RAG2: variants seen among roughly 807,000 people sequenced by gnomAD.
The protein encoded by RAG2 is recombination activating 2.
A neutral mutation model predicts 31.8 loss-of-function variants in RAG2; 16 were observed. The observed-to-expected ratio is 0.50, with a 90% confidence interval of 0.34 to 0.76. The LOEUF is 0.76. Ranked by LOEUF, RAG2 falls within the 30% of genes least tolerant of loss-of-function variation. The pLI, the probability that RAG2 is intolerant of heterozygous loss-of-function variation, is 0.01. For synonymous variants in RAG2, 199 were observed against 215.9 expected (o/e 0.92, Z 0.68); for missense variants, 622 against 628.5 (o/e 0.99, Z 0.11).
At chr11:36,594,289 C>A in intron 1 of RAG2, 94 bp from the exon 2 acceptor site, 1 of 826,094 alleles carries the variant, frequency 1.2e-6, no homozygotes. Flanking sequence ...TTTTTAAGTC[C>A]TCCCACACGC....
chr11:36,591,316 T>G (rs751025640), downstream of RAG2, among the ~76,000 whole-genome samples: 5 of 152,178 alleles, frequency 3.3e-5, no homozygotes, highest in Non-Finnish European at 7.4e-5. Context: ...AATTTGTTAG[T>G]TGTACCTTAC....
At chr11:36,597,154 G>A (rs1851302447) in intron 1 of RAG2, among the ~76,000 whole-genome samples, 1 of 152,118 alleles carries the variant, frequency 6.6e-6, no homozygotes. Context: ...AGAATAAACA[G>A]GAACATTGAA....
chr11:36,596,442 TCAG>T (rs1451278081), intron 1 of RAG2, among the ~76,000 whole-genome samples: 3 of 152,178 alleles, frequency 2.0e-5, no homozygotes. Context: ...AGTTGTATAT[TCAG>T]CAAACTGCCC....
At chr11:36,596,288 T>C (rs1466067290) in intron 1 of RAG2, among the ~76,000 whole-genome samples, 1 of 150,440 alleles carries the variant, frequency 6.6e-6, no homozygotes, top group Non-Finnish European at 1.5e-5. Flanking sequence ...AAATAATCTC[T>C]TGTAGTTATT....
chr11:36,596,224 T>TG (rs1412024113), intron 1 of RAG2, among the ~76,000 whole-genome samples: 15 of 148,138 alleles, frequency 1.0e-4, no homozygotes, highest in Middle Eastern at 3.5e-3. Flanking sequence ...TTTTTTTTGT[T>TG]TTTTTTTTTT....
In RAG2 at chr11:36,593,755, A is replaced by G; in HGVS notation, c.414T>C (p.Tyr138=). The G allele has an allele frequency of 6.2e-7, 1 of 1,614,214 alleles. No homozygotes were observed. Among genetic ancestry groups the G allele is most frequent in the Non-Finnish European group, 8.5e-7 (1 of 1,180,034 alleles). The change falls in exon 2 of 2, where the codon TAT becomes TAC. Residue 138 remains tyrosine (Y), a synonymous_variant. Transcript: ENST00000311485. ...DLVGDVPEAR[Y]GHSINVVYSR... ...TGTACACCACATTAATGGAATGACC[A>G]TATCTGGCTTCAGGAACATCTCCTA...
chr11:36,597,241 T>C (rs899554245), intron 1 of RAG2, among the ~76,000 whole-genome samples: 5 of 152,198 alleles, frequency 3.3e-5, no homozygotes, highest in African/African-American at 1.2e-4. Context: ...TTCACTGGAG[T>C]AGACCATTGT....
intron 1 of RAG2, 49 bp from the exon 2 acceptor site, chr11:36,594,244 A>G: frequency 8.3e-7 from 1 of 1,201,496 alleles, no homozygotes; most frequent in South Asian, 1.2e-5. Context: ...TCATATAATC[A>G]TCGTATTTAG....
chr11:36,592,988 T>A lies in RAG2; in HGVS notation c.1181A>T (p.Asp394Val). 2 of 1,614,178 alleles carry A rather than the reference T, an allele frequency of 1.2e-6. No homozygotes were observed. Among genetic ancestry groups the A allele is most frequent in the Non-Finnish European group, 1.7e-6 (2 of 1,180,024 alleles). Residue 394 changes from aspartate (D) to valine (V), a missense_variant, in exon 2 of 2, where the codon GAT becomes GTT. Coordinates refer to ENST00000311485, the MANE Select transcript of RAG2 (RefSeq NM_000536.4). ...ATAGGTGTCAAATTCATCATCACCA[T>A]CAAAACTATTTGCTTCTGCACTGAA... ...FCFSAEANSF[D>V]GDDEFDTYNE...
At chr11:36,591,598 T>TACACACACAC (rs3084298), downstream of RAG2, among the ~76,000 whole-genome samples, 14 of 149,118 alleles carry the variant, frequency 9.4e-5, no homozygotes, top group African/African-American at 3.4e-4. Context: ...ACATGTTAAC[T>TACACACACAC]ACACACACAC....
chr11:36,597,358 T>C (rs1851311334), intron 1 of RAG2, among the ~76,000 whole-genome samples: 1 of 152,236 alleles, frequency 6.6e-6, no homozygotes, highest in African/African-American at 2.4e-5. Flanking sequence ...AGTCTTTTCC[T>C]TTTAATAGGC....
At position 36,592,744 on chromosome 11, in the gene RAG2, C is replaced by G; in HGVS notation, c.1425G>C (p.Lys475Asn). The G allele has an allele frequency of 6.2e-7, 1 of 1,614,080 alleles. No individual in the cohort carries two copies. Among genetic ancestry groups the G allele is most frequent in the African/African-American group, 1.3e-5 (1 of 74,994 alleles). The change falls in exon 2 of 2, where the codon AAG (lysine) becomes AAC (asparagine). Residue 475 changes from lysine to asparagine, a missense_variant. Lys to Asn is a moderately conservative substitution (Grantham distance 94). Transcript: ENST00000311485. ...TCTCCACATGCTCATTGCAGTAATA[C>G]TTGTTGCTTCCTGCTGACAGATGGA... ...TLIHLSAGSNKYYCNEHVEIA... is the reference protein window; with the variant it reads ...TLIHLSAGSNNYYCNEHVEIA...
At chr11:36,596,461 A>G (rs759562546) in intron 1 of RAG2, among the ~76,000 whole-genome samples, 1 of 152,200 alleles carries the variant, frequency 6.6e-6, no homozygotes, top group African/African-American at 2.4e-5. Flanking sequence ...TGCCCTGCTT[A>G]TAAAATAATC....
intron 1 of RAG2, among the ~76,000 whole-genome samples, chr11:36,597,333 A>C (rs867803): frequency 0.1 from 15,463 of 152,258 alleles, 1,001 homozygotes; most frequent in African/African-American, 0.17. Flanking sequence ...TACTATATCT[A>C]AAATAACCTA....
Position 36,592,319 on chromosome 11 carries a change from G to A in RAG2, c.*266C>T. 2.2e-6 allele frequency: 1 copy of A among 454,550 alleles called. No individual in the cohort carries two copies. The highest frequency in any genetic ancestry group is 2.4e-5 in the South Asian group (1 of 41,066). The allele number at this position is 454,550 out of a possible 1,614,324, so 28.2% of individuals were successfully genotyped here. On this transcript the variant is annotated 3_prime_UTR_variant, in exon 2 of 2. Coordinates refer to ENST00000311485, the MANE Select transcript of RAG2 (RefSeq NM_000536.4). ...TGCTTCTGGGTGTTTAAGGTTTGTT[G>A]AATAAAAAATCAGATCAGAAATCCT...
chr11:36,593,175 G>T lies in RAG2; in HGVS notation c.994C>A (p.Pro332Thr). 1 of 1,614,090 alleles carries T rather than the reference G, an allele frequency of 6.2e-7. No homozygotes were observed. The highest frequency in any genetic ancestry group is 8.5e-7 in the Non-Finnish European group (1 of 1,180,028). ...GAAACAACTTGTTTATTGTCTCCTG[G>T]TATGCCAAGAAAAACAGTTCCATTT... ...MGNGTVFLGI[P>T]GDNKQVVSEG... The change falls in exon 2 of 2, where the codon CCA becomes ACA. Residue 332 changes from proline (P) to threonine (T), a missense_variant. By Grantham distance (38) the Pro-to-Thr change is conservative. Transcript: ENST00000311485.
At position 36,592,643 on chromosome 11, in the gene RAG2, C is replaced by G; in HGVS notation, c.1526G>C (p.Gly509Ala). ...GGCAGGAGTCAAGATTTTTCCAGAACCTTTTTTACGGAGGGATTTCATTGG... is the reference window on the plus strand; with the variant it reads ...GGCAGGAGTCAAGATTTTTCCAGAAGCTTTTTTACGGAGGGATTTCATTGG... ...KPPMKSLRKK[G>A]SGKILTPAKK... Residue 509 changes from glycine to alanine, a missense_variant, in exon 2 of 2, where the codon GGT (glycine) becomes GCT (alanine). Coordinates refer to ENST00000311485, the MANE Select transcript of RAG2 (RefSeq NM_000536.4). 1.2e-6 allele frequency: 2 copies of G among 1,614,148 alleles called. No individual in the cohort carries two copies. Among genetic ancestry groups the G allele is most frequent in the Non-Finnish European group, 1.7e-6 (2 of 1,180,006 alleles).
In RAG2 at chr11:36,592,093, A is replaced by G. The variant is rs990684415; in HGVS notation, c.*492T>C. ...AATCCAAAGGGTTGCTTGAAGGTATATAAAGAACACTAATGTGGGATGTAG... is the reference window on the plus strand; with the variant it reads ...AATCCAAAGGGTTGCTTGAAGGTATGTAAAGAACACTAATGTGGGATGTAG... On this transcript the variant is annotated 3_prime_UTR_variant, in exon 2 of 2. Transcript: ENST00000311485. The G allele has an allele frequency of 5.5e-6, 1 of 180,340 alleles. No homozygotes were observed. The highest frequency in any genetic ancestry group is 5.6e-5 in the Admixed American group (1 of 17,978). 11.2% of individuals were successfully genotyped at this position (180,340 alleles called of 1,614,324 possible). A position where few individuals can be genotyped will look rare whatever the true frequency, so the allele number is the denominator to read the frequency against.
Position 36,593,653 on chromosome 11 carries a change from CCA to C in RAG2, c.514_515del (p.Trp172GlufsTer2), listed in dbSNP as rs772196872. 1 of 1,614,128 alleles carries C rather than the reference CCA, an allele frequency of 6.2e-7. No homozygotes were observed. The highest frequency in any genetic ancestry group is 8.5e-7 in the Non-Finnish European group (1 of 1,180,014). ...AGGGCAGGCAGTCAGCTACACTATT[CCA>C]TTTTTCTGTGGTTCTGTGGGTAGAA... ...MPSTHRTTEK[W>X]NSVADCLPCV... On this transcript the variant is annotated frameshift_variant, in exon 2 of 2. Transcript: ENST00000311485. LOFTEE classifies it high-confidence loss of function.
Sources: allele counts gnomAD v4.1 joint callset (sites outside exome capture counted in the v4.1 genomes callset), GRCh38; gene constraint gnomAD v4.1.1; transcripts MANE v1.5; gene names NCBI Gene and HGNC (gene_info 2026-07-23, HGNC 2026-07-21).